GLIS3: variants seen among roughly 807,000 people sequenced by gnomAD.
GLIS3 encodes zinc finger protein GLIS3.
Under a neutral mutation model 78.6 loss-of-function variants are expected in GLIS3, and 53 were observed. The ratio of observed to expected loss-of-function variants is 0.67; its 90% CI spans 0.54 to 0.85. The LOEUF (loss-of-function observed/expected upper bound fraction) is 0.85. Among genes scored for constraint, GLIS3 ranks in the 40% least tolerant of loss-of-function variants. The pLI, the probability that GLIS3 is intolerant of heterozygous loss-of-function variation, is 0.00. For missense variants in GLIS3, 1,703 were observed against 1,231.1 expected (o/e 1.38, Z -5.74); for synonymous variants, 684 against 509.9 (o/e 1.34, Z -4.60).
chr9:3,957,474 C>T (rs1209868715), intron 4 of GLIS3, among the ~76,000 whole-genome samples: 4 of 152,244 alleles, frequency 2.6e-5, no homozygotes, highest in African/African-American at 7.2e-5. Context: ...AGATGAACCA[C>T]GAGATGGGAT....
intron 4 of GLIS3, among the ~76,000 whole-genome samples, chr9:4,307,826 T>A (rs889381158): frequency 1.3e-5 from 2 of 152,110 alleles, no homozygotes; most frequent in African/African-American, 4.8e-5. Flanking sequence ...AATAATTCCT[T>A]CCTAGAGCCT....
At chr9:4,223,195 C>T (rs1351308794) in intron 2 of GLIS3, among the ~76,000 whole-genome samples, 1 of 152,166 alleles carries the variant, frequency 6.6e-6, no homozygotes, top group Non-Finnish European at 1.5e-5. Flanking sequence ...AATTGAACAT[C>T]CGCACTGCCT....
At chr9:3,929,600 G>C (rs1281867433) in intron 6 of GLIS3, among the ~76,000 whole-genome samples, 1 of 152,090 alleles carries the variant, frequency 6.6e-6, no homozygotes, top group Non-Finnish European at 1.5e-5. Flanking sequence ...TAATGTCTAG[G>C]GGGAGGTTAC....
At chr9:4,209,148 C>A (rs1202995459) in intron 2 of GLIS3, among the ~76,000 whole-genome samples, 1 of 152,116 alleles carries the variant, frequency 6.6e-6, no homozygotes, top group East Asian at 1.9e-4. Flanking sequence ...GCTCATGCAC[C>A]ACTCTGGAGA....
chr9:4,088,801 C>A (rs1483389516), intron 4 of GLIS3, among the ~76,000 whole-genome samples: 1 of 152,300 alleles, frequency 6.6e-6, no homozygotes, highest in South Asian at 2.1e-4. Context: ...TTATGAAGTC[C>A]CACATTTTAA....
chr9:4,202,596 G>A (rs997452756), intron 2 of GLIS3, among the ~76,000 whole-genome samples: 1 of 152,152 alleles, frequency 6.6e-6, no homozygotes, highest in African/African-American at 2.4e-5. Flanking sequence ...AAACAAAATC[G>A]CATGGTGAAA....
intron 8 of GLIS3, among the ~76,000 whole-genome samples, chr9:3,873,531 T>C (rs1312684569): frequency 1.3e-5 from 2 of 152,190 alleles, no homozygotes; most frequent in Non-Finnish European, 2.9e-5. Context: ...AAGGTGACTA[T>C]AGTTAAATAA....
intron 8 of GLIS3, among the ~76,000 whole-genome samples, chr9:3,857,700 T>C (rs1819880713): frequency 6.6e-6 from 1 of 152,214 alleles, no homozygotes; most frequent in African/African-American, 2.4e-5. Context: ...AGTAAGTGAC[T>C]GCACCGTGCT....
intron 9 of GLIS3, 194 bp downstream of exon 9, chr9:3,855,815 C>A (rs1478217551): frequency 3.1e-6 from 2 of 647,722 alleles, no homozygotes; most frequent in Non-Finnish European, 2.8e-6. Context: ...ATAAATCATA[C>A]CATCATCAGG....
At chr9:4,242,233 T>C (rs1823386305) in intron 2 of GLIS3, among the ~76,000 whole-genome samples, 2 of 152,006 alleles carry the variant, frequency 1.3e-5, no homozygotes, top group East Asian at 1.9e-4. Flanking sequence ...CCATTTATGG[T>C]TCCCCACGGT....
chr9:4,044,803 A>C (rs1458420483), intron 4 of GLIS3, among the ~76,000 whole-genome samples: 1 of 152,172 alleles, frequency 6.6e-6, no homozygotes. Flanking sequence ...CAGACTCTTC[A>C]CTTTCTTTTT....
intron 2 of GLIS3, among the ~76,000 whole-genome samples, chr9:4,345,534 C>T (rs1362809784): frequency 6.6e-6 from 1 of 152,160 alleles, no homozygotes; most frequent in Non-Finnish European, 1.5e-5. Flanking sequence ...GAATACTTAT[C>T]AAACCCCCAA....
chr9:4,160,558 C>T (rs1835394086), intron 2 of GLIS3, among the ~76,000 whole-genome samples: 1 of 152,250 alleles, frequency 6.6e-6, no homozygotes, highest in Admixed American at 6.5e-5. Flanking sequence ...GAGCTGTCTT[C>T]ACTCTGAGCT....
chr9:4,326,191 G>A (rs1213595136), intron 2 of GLIS3, among the ~76,000 whole-genome samples: 1 of 152,156 alleles, frequency 6.6e-6, no homozygotes, highest in Admixed American at 6.5e-5. Context: ...TCCTGCACGT[G>A]TACCCGGGAA....
chr9:4,437,253 A>G, the GLIS3 span, among the ~76,000 whole-genome samples: 10 of 152,320 alleles, frequency 6.6e-5, no homozygotes, highest in East Asian at 1.9e-3. Flanking sequence ...CCCCAACTGC[A>G]TGAGGGTCTT....
At chr9:4,477,865 T>C in the GLIS3 span, among the ~76,000 whole-genome samples, 1 of 152,126 alleles carries the variant, frequency 6.6e-6, no homozygotes, top group African/African-American at 2.4e-5. Flanking sequence ...AATGGTAAAA[T>C]TCATTATGTA....
chr9:4,261,729 C>T (rs377246053), intron 2 of GLIS3, among the ~76,000 whole-genome samples: 1 of 152,216 alleles, frequency 6.6e-6, no homozygotes, highest in Non-Finnish European at 1.5e-5. Flanking sequence ...CCCGCAATTT[C>T]ACTAAACGCA....
At chr9:4,448,622 G>A in the GLIS3 span, among the ~76,000 whole-genome samples, 4 of 152,200 alleles carry the variant, frequency 2.6e-5, no homozygotes, top group Non-Finnish European at 4.4e-5. Context: ...CTTTGAAGCA[G>A]GTGTGACCAC....
chr9:4,284,607 A>ATTCT (rs1406101086), intron 2 of GLIS3, among the ~76,000 whole-genome samples: 2 of 152,054 alleles, frequency 1.3e-5, no homozygotes, highest in Non-Finnish European at 2.9e-5. Flanking sequence ...AAAAAGAAGA[A>ATTCT]GAAGAAAAAT....
Sources: gnomAD v4.1 joint callset for allele counts (sites outside exome capture counted in the v4.1 genomes callset) on GRCh38, gnomAD v4.1.1 for gene constraint, MANE v1.5 for transcripts, NCBI Gene and HGNC (gene_info 2026-07-23, HGNC 2026-07-21) for gene names.